Variants in MAOA observed in about 807,000 individuals in gnomAD.
The protein encoded by MAOA is amine oxidase [flavin-containing] A.
MAOA carries 6 observed loss-of-function variants against 42.0 expected under a neutral mutation model. The observed-to-expected ratio is 0.14, with a 90% CI of 0.08 to 0.28. The LOEUF is 0.28. Among genes scored for constraint, MAOA ranks in the 10% least tolerant of loss-of-function variants. The pLI is 1.00. For missense variants in MAOA, 262 were observed against 422.3 expected (o/e 0.62, Z 3.33); for synonymous variants, 140 against 154.0 (o/e 0.91, Z 0.67).
intron 11 of MAOA, among the ~76,000 whole-genome samples, chrX:43,741,293 A>T (rs921529405): frequency 7.2e-5 from 8 of 111,566 alleles, no homozygotes; most frequent in Admixed American, 5.7e-4. Flanking sequence ...TCTTTTTGAA[A>T]AAAAAAATAG....
intron 1 of MAOA, among the ~76,000 whole-genome samples, chrX:43,670,565 T>C (rs1349723548): frequency 9.8e-6 from 1 of 102,130 alleles, no homozygotes; most frequent in African/African-American, 3.6e-5. Flanking sequence ...TCATTTAGCA[T>C]TAGGTATATC....
At chrX:43,696,164 A>G (rs2033577000) in intron 3 of MAOA, among the ~76,000 whole-genome samples, 1 of 111,877 alleles carries the variant, frequency 8.9e-6, no homozygotes, top group African/African-American at 3.3e-5. Context: ...TGTTAAGAGT[A>G]GCATCCAGGG....
intron 3 of MAOA, among the ~76,000 whole-genome samples, chrX:43,706,069 G>A (rs2033657078): frequency 8.9e-6 from 1 of 112,355 alleles, no homozygotes; most frequent in Admixed American, 9.4e-5. Flanking sequence ...TCAAAATGCA[G>A]TGTCAGAGAA....
chrX:43,739,629 C>T (rs780223512), intron 10 of MAOA, among the ~76,000 whole-genome samples: 1 of 111,834 alleles, frequency 8.9e-6, no homozygotes, highest in Non-Finnish European at 1.9e-5. Context: ...CTTGAGCTCC[C>T]CCCGCCCTGC....
At chrX:43,712,149 G>T (rs1302397630) in intron 4 of MAOA, among the ~76,000 whole-genome samples, 173 bp downstream of exon 4, 1 of 111,603 alleles carries the variant, frequency 9.0e-6, no homozygotes, top group Non-Finnish European at 1.9e-5. Flanking sequence ...AAAAATGAGT[G>T]CCCAGAGATT....
At chrX:43,687,843 G>A in intron 2 of MAOA, among the ~76,000 whole-genome samples, 1 of 112,632 alleles carries the variant, frequency 8.9e-6, no homozygotes, top group South Asian at 3.7e-4. Context: ...AGGAAATTCC[G>A]TTGGCCCTGC....
chrX:43,687,379 C>T lies in MAOA; in HGVS notation c.168+3772C>T, dbSNP rs113778923. Among the ~76,000 whole-genome samples, 1,100 of 112,004 alleles carry T rather than the reference C, an allele frequency of 9.8e-3. 19 individuals carry two copies. The highest frequency in any genetic ancestry group is 0.035 in the African/African-American group (1,065 of 30,769). Reference sequence around the variant, plus strand: ...CTAAAGACATCATGTTTGGAAACTCCCAGGAGTCCCCTTGCTGTCTTTGTT... The same window carrying T: ...CTAAAGACATCATGTTTGGAAACTCTCAGGAGTCCCCTTGCTGTCTTTGTT... On this transcript the variant is annotated intron_variant, in intron 2 of 14. Transcript: ENST00000338702.
At chrX:43,662,718 C>A (rs1206149750) in intron 1 of MAOA, among the ~76,000 whole-genome samples, 1 of 110,720 alleles carries the variant, frequency 9.0e-6, no homozygotes, top group African/African-American at 3.3e-5. Context: ...ATATAGGGTG[C>A]CCAGCCCTGT....
intron 1 of MAOA, among the ~76,000 whole-genome samples, chrX:43,675,442 G>A (rs1010294939): frequency 9.8e-5 from 11 of 112,508 alleles, no homozygotes; most frequent in Non-Finnish European, 1.7e-4. Flanking sequence ...CGCTCAACTC[G>A]TCAAAGTCAT....
chrX:43,670,801 A>G lies in MAOA; in HGVS notation c.74-12712A>G, dbSNP rs761330378. Among the ~76,000 whole-genome samples, 6 of 109,539 alleles carry G rather than the reference A, an allele frequency of 5.5e-5. No individual in the cohort carries two copies. The East Asian group carries it at 1.7e-3, about 32-fold the overall frequency. ...ATTTTTTATGGCTGCATAGTATTCC[A>G]TGGTGTATATGTGCCACATTTTCTT... On this transcript the variant is annotated intron_variant, in intron 1 of 14. Coordinates refer to ENST00000338702, the MANE Select transcript of MAOA (RefSeq NM_000240.4).
At chrX:43,697,415 A>G (rs776136104) in intron 3 of MAOA, among the ~76,000 whole-genome samples, 33 of 111,892 alleles carry the variant, frequency 2.9e-4, no homozygotes, top group African/African-American at 1.1e-3. Context: ...GCTATGATAC[A>G]AGCACTGTGC....
intron 3 of MAOA, among the ~76,000 whole-genome samples, chrX:43,709,789 A>G (rs928784391): frequency 3.6e-5 from 4 of 111,468 alleles, no homozygotes; most frequent in African/African-American, 1.3e-4. Flanking sequence ...CTCTCAGAGT[A>G]TGTATTAGCA....
chrX:43,736,723 A>T (rs1426741515), intron 10 of MAOA, among the ~76,000 whole-genome samples: 2 of 110,120 alleles, frequency 1.8e-5, no homozygotes, highest in African/African-American at 6.6e-5. Context: ...ATGTTCCCTT[A>T]TCTGAAAGCT....
intron 1 of MAOA, among the ~76,000 whole-genome samples, chrX:43,682,400 C>G: frequency 9.0e-6 from 1 of 111,452 alleles, no homozygotes; most frequent in Non-Finnish European, 1.9e-5. Flanking sequence ...AACACACACA[C>G]AAAATGATAG....
chrX:43,702,282 A>T (rs1196361074), intron 3 of MAOA, among the ~76,000 whole-genome samples: 1 of 111,784 alleles, frequency 8.9e-6, no homozygotes, highest in Admixed American at 9.6e-5. Context: ...CCTTTTGAAA[A>T]CCTGCTGGGC....
At chrX:43,658,521 C>A (rs1488932136) in intron 1 of MAOA, among the ~76,000 whole-genome samples, 1 of 111,777 alleles carries the variant, frequency 8.9e-6, no homozygotes, top group South Asian at 3.7e-4. Context: ...AGAGGATACC[C>A]AAGTTATATA....
Position 43,697,321 on chromosome X carries a change from T to C in MAOA, c.306+3893T>C, listed in dbSNP as rs188811908. ...TCTTCTGATGGTCATCCTGTGTCCA[T>C]CATTGTGTCCCCATATGCAGTGCTG... On this transcript the variant is annotated intron_variant, in intron 3 of 14. Transcript: ENST00000338702. Among the ~76,000 whole-genome samples, 230 of 111,774 alleles carry C rather than the reference T, an allele frequency of 2.1e-3. 1 individual carries two copies. Among genetic ancestry groups the C allele is most frequent in the Non-Finnish European group, 3.4e-3 (183 of 53,193 alleles).
intron 9 of MAOA, among the ~76,000 whole-genome samples, chrX:43,733,621 C>T (rs188050375): frequency 1.8e-5 from 2 of 112,093 alleles, no homozygotes; most frequent in African/African-American, 6.5e-5. Flanking sequence ...AACAAAAGAA[C>T]ATAGCTTCAG....
chrX:43,741,308 GCTGAGCGCT>G (rs1310357073), intron 11 of MAOA, among the ~76,000 whole-genome samples: 3 of 111,206 alleles, frequency 2.7e-5, no homozygotes, highest in Admixed American at 9.5e-5. Context: ...AAATAGAATG[GCTGAGCGCT>G]CTTTCAGGGG....
Sources: gnomAD v4.1 joint callset for allele counts (sites outside exome capture counted in the v4.1 genomes callset) on GRCh38, gnomAD v4.1.1 for gene constraint, MANE v1.5 for transcripts, NCBI Gene and HGNC (gene_info 2026-07-23, HGNC 2026-07-21) for gene names.